The following CABP1 variants were observed in gnomAD, a reference collection of about 807,000 sequenced individuals.
CABP1 encodes calcium-binding protein 1.
Under a neutral mutation model 34.3 loss-of-function variants are expected in CABP1, and 17 were observed. That is an observed-to-expected ratio of 0.50 (90% CI 0.34 to 0.74). CABP1 has a LOEUF of 0.74. Ranked by LOEUF, CABP1 falls within the 30% of genes least tolerant of loss-of-function variation. The pLI is 0.01. For synonymous variants in CABP1, 198 were observed against 229.2 expected (o/e 0.86, Z 1.23); for missense variants, 373 against 511.1 (o/e 0.73, Z 2.61).
chr12:120,669,362 C>T (rs1037474846), downstream of CABP1, among the ~76,000 whole-genome samples: 29 of 152,236 alleles, frequency 1.9e-4, no homozygotes, highest in African/African-American at 5.3e-4. Flanking sequence ...AGCTTGGCTC[C>T]GCCCAGAGAC....
intron 5 of CABP1, among the ~76,000 whole-genome samples, chr12:120,664,031 G>A (rs556013682): frequency 3.3e-5 from 5 of 152,222 alleles, no homozygotes; most frequent in Non-Finnish European, 7.3e-5. Flanking sequence ...GCCAGGGAGC[G>A]TGGATAGTTG....
Position 120,641,526 on chromosome 12 carries a change from C to A in CABP1, c.654+187C>A. The stretch of plus-strand genomic sequence containing the variant: ...CCTCCCCGTGCCTGATTCAGCACCC[C>A]GTGCGCTGTCCACGCTCCGGGCCTC... On this transcript the variant is annotated intron_variant, in intron 1 of 5. Transcript: ENST00000316803. The surrounding 1 kb of genome is among the most constrained non-coding windows in gnomAD (Gnocchi z 6.7). The A allele has an allele frequency of 1.8e-6, 1 of 542,880 alleles. No homozygotes were observed. Among genetic ancestry groups the A allele is most frequent in the Non-Finnish European group, 2.8e-6 (1 of 360,464 alleles). 33.6% of individuals were successfully genotyped at this position (542,880 alleles called of 1,614,324 possible). A position where few individuals can be genotyped will look rare whatever the true frequency, so the allele number is the denominator to read the frequency against.
intron 5 of CABP1, among the ~76,000 whole-genome samples, chr12:120,663,073 C>T (rs1880755874): frequency 1.3e-5 from 2 of 152,188 alleles, no homozygotes. Flanking sequence ...TAGCACCCTT[C>T]CCTGGTTCCT....
intron 1 of CABP1, among the ~76,000 whole-genome samples, chr12:120,653,175 G>A (rs971598898): frequency 6.6e-6 from 1 of 152,160 alleles, no homozygotes; most frequent in African/African-American, 2.4e-5. Context: ...TCTGCAGCCA[G>A]AAGTAAATGC....
At chr12:120,680,773 T>TC in the CABP1 span, among the ~76,000 whole-genome samples, 8 of 152,046 alleles carry the variant, frequency 5.3e-5, no homozygotes, top group Non-Finnish European at 1.2e-4. Context: ...GTTCAGGCCC[T>TC]CTAGCCTGAC....
In CABP1 at chr12:120,661,917, AATCT is replaced by A. The variant is rs1362068759; in HGVS notation, c.1087+706_1087+709del. 2.6e-5 allele frequency: 4 copies of A among 152,562 alleles called. No individual in the cohort carries two copies. Among genetic ancestry groups the A allele is most frequent in the Non-Finnish European group, 5.9e-5 (4 of 68,324 alleles). The allele number at this position is 152,562 out of a possible 1,614,324, so 9.5% of individuals were successfully genotyped here. On this transcript the variant is annotated intron_variant, in intron 5 of 5. Transcript: ENST00000316803. This position sits in a 1 kb window ranked among gnomAD's most constrained non-coding sequence, Gnocchi z 5.1. ...TCATTCTTCTCTACATTCACCCATG[AATCT>A]ATCTATGTATTCATCTACTCATATA...
chr12:120,674,989 T>A, the CABP1 span, among the ~76,000 whole-genome samples: 1 of 151,978 alleles, frequency 6.6e-6, no homozygotes, highest in Admixed American at 6.6e-5. Flanking sequence ...GGGATGTACA[T>A]GTATAGGATG....
intron 1 of CABP1, among the ~76,000 whole-genome samples, chr12:120,649,110 TA>T (rs1322313640): frequency 6.6e-6 from 1 of 151,792 alleles, no homozygotes; most frequent in Non-Finnish European, 1.5e-5. Context: ...GGCTGCTGAG[TA>T]ACTCCCCTGA....
At chr12:120,668,662 G>A (rs1176516936), downstream of CABP1, among the ~76,000 whole-genome samples, 2 of 152,178 alleles carry the variant, frequency 1.3e-5, no homozygotes, top group African/African-American at 4.8e-5. Context: ...TGCACCACAC[G>A]GCACACCCCA....
intron 1 of CABP1, chr12:120,658,866 A>G (rs1055709470): frequency 1.3e-5 from 2 of 152,414 alleles, no homozygotes; most frequent in African/African-American, 4.8e-5. Flanking sequence ...GAGCTGCAAC[A>G]TGCGGGAGGC....
At chr12:120,652,777 C>T (rs774644248) in intron 1 of CABP1, among the ~76,000 whole-genome samples, 9 of 152,096 alleles carry the variant, frequency 5.9e-5, no homozygotes, top group Non-Finnish European at 8.8e-5. Flanking sequence ...ATACTCTTGG[C>T]CAGCTTGTAT....
intron 1 of CABP1, among the ~76,000 whole-genome samples, chr12:120,643,565 T>C (rs1376532867): frequency 6.6e-6 from 1 of 152,232 alleles, no homozygotes; most frequent in Non-Finnish European, 1.5e-5. Context: ...TTAAGTGAAT[T>C]GCTTAACCTC....
At position 120,640,922 on chromosome 12, in the gene CABP1, G is replaced by A. The variant is rs1879289253; in HGVS notation, c.237G>A (p.Ala79=). ...TGCTGAAGGCGGCGGCGGCGGCGGC[G>A]AGCGGGGGCAGCCGGGCTCCCCGCC... ...TSLLKAAAAA[A]SGGSRAPRHG... The change falls in exon 1 of 6, where the codon GCG becomes GCA. Residue 79 remains alanine (A), a synonymous_variant. Transcript: ENST00000316803. This position sits in a 1 kb window ranked among gnomAD's most constrained non-coding sequence, Gnocchi z 6.2. 9 of 1,113,608 alleles carry A rather than the reference G, an allele frequency of 8.1e-6. No homozygotes were observed. Among genetic ancestry groups the A allele is most frequent in the Non-Finnish European group, 9.9e-6 (9 of 913,082 alleles). 69.0% of individuals were successfully genotyped at this position (1,113,608 alleles called of 1,614,324 possible). A position where few individuals can be genotyped will look rare whatever the true frequency, so the allele number is the denominator to read the frequency against.
chr12:120,680,381 G>A, the CABP1 span, among the ~76,000 whole-genome samples: 4 of 152,308 alleles, frequency 2.6e-5, no homozygotes, highest in Admixed American at 1.3e-4. Context: ...ACCCAGCTCT[G>A]TCTGACCCCC....
chr12:120,676,838 A>G, the CABP1 span, among the ~76,000 whole-genome samples: 1 of 152,164 alleles, frequency 6.6e-6, no homozygotes, highest in African/African-American at 2.4e-5. Context: ...AAGGAATGTG[A>G]CTTGCCAAGC....
chr12:120,669,762 AAAAAG>A (rs937319959), downstream of CABP1, among the ~76,000 whole-genome samples: 2 of 151,962 alleles, frequency 1.3e-5, no homozygotes, highest in African/African-American at 2.4e-5. Context: ...TGAAAAAAAA[AAAAAG>A]AATCATAGAT....
chr12:120,650,926 CTG>C (rs1879808178), intron 1 of CABP1, among the ~76,000 whole-genome samples: 1 of 152,086 alleles, frequency 6.6e-6, no homozygotes, highest in Non-Finnish European at 1.5e-5. Context: ...AGGAAAGAAA[CTG>C]TGTAGCTTTG....
downstream of CABP1, among the ~76,000 whole-genome samples, chr12:120,670,036 T>C (rs1592901729): frequency 6.6e-6 from 1 of 151,982 alleles, no homozygotes; most frequent in East Asian, 1.9e-4. Flanking sequence ...AGGGTCTCAC[T>C]CTGGCACCCA....
chr12:120,679,341 A>T, the CABP1 span, among the ~76,000 whole-genome samples: 4 of 152,206 alleles, frequency 2.6e-5, no homozygotes, highest in Non-Finnish European at 5.9e-5. Flanking sequence ...CTGGCTGTTC[A>T]TTGTGTGACT....
Sources: allele counts gnomAD v4.1 joint callset (sites outside exome capture counted in the v4.1 genomes callset), GRCh38; gene constraint gnomAD v4.1.1; non-coding constraint Gnocchi (gnomAD v3.1); transcripts MANE v1.5; gene names NCBI Gene and HGNC (gene_info 2026-07-23, HGNC 2026-07-21).